The following DRAXIN variants were observed in gnomAD, a reference collection of about 807,000 sequenced individuals.
DRAXIN encodes dorsal repulsive axon guidance protein.
Under a neutral mutation model 33.9 loss-of-function variants are expected in DRAXIN, and 27 were observed. That is an observed-to-expected ratio of 0.80 (90% CI 0.59 to 1.10). The LOEUF (loss-of-function observed/expected upper bound fraction) is 1.10. Among genes scored for constraint, DRAXIN ranks in the 50% least tolerant of loss-of-function variants. DRAXIN has a pLI of 0.00. For synonymous variants in DRAXIN, 178 were observed against 194.0 expected (o/e 0.92, Z 0.69); for missense variants, 371 against 460.8 (o/e 0.81, Z 1.78).
intron 1 of DRAXIN, among the ~76,000 whole-genome samples, chr1:11,701,190 C>T (rs375831245): frequency 6.6e-6 from 1 of 152,136 alleles, no homozygotes; most frequent in Non-Finnish European, 1.5e-5. Context: ...GAGGAAGATG[C>T]CTCTCACCGC....
rs1178813402 is a variant in DRAXIN, at chr1:11,706,964, A to G, written c.451+255A>G. 3.3e-5 allele frequency among the ~76,000 whole-genome samples: 5 copies of G among 152,168 alleles called. No homozygotes were observed. Among genetic ancestry groups the G allele is most frequent in the Non-Finnish European group, 5.9e-5 (4 of 68,022 alleles). On this transcript the variant is annotated intron_variant, in intron 2 of 6. Transcript: ENST00000294485. This position sits in a 1 kb window ranked among gnomAD's most constrained non-coding sequence, Gnocchi z 5.5. Reference sequence around the variant, plus strand: ...TGCCGTGGCTCACGCTTGTAATCCCAGCACTTTGGGAGGCCGAGGCGGGCG... The same window carrying G: ...TGCCGTGGCTCACGCTTGTAATCCCGGCACTTTGGGAGGCCGAGGCGGGCG...
Position 11,723,628 on chromosome 1 carries a change from T to C in DRAXIN, c.*3932T>C, listed in dbSNP as rs1165175011. The C allele has an allele frequency of 2.6e-5, 4 of 152,060 alleles. No individual in the cohort carries two copies. The highest frequency in any genetic ancestry group is 9.7e-5 in the African/African-American group (4 of 41,368). 9.4% of individuals were successfully genotyped at this position (152,060 alleles called of 1,614,324 possible). A position where few individuals can be genotyped will look rare whatever the true frequency, so the allele number is the denominator to read the frequency against. On this transcript the variant is annotated 3_prime_UTR_variant, in exon 7 of 7. Coordinates refer to ENST00000294485, the MANE Select transcript of DRAXIN (RefSeq NM_198545.4). ...TTCTTTTGAGACAGAGTTTCACTCTTGTTGCCCAGGCTGGAGTGCAGTGGC... is the reference window on the plus strand; with the variant it reads ...TTCTTTTGAGACAGAGTTTCACTCTCGTTGCCCAGGCTGGAGTGCAGTGGC...
At position 11,722,171 on chromosome 1, in the gene DRAXIN, C is replaced by T. The variant is rs975371538; in HGVS notation, c.*2475C>T. 6.6e-6 allele frequency: 1 copy of T among 152,238 alleles called. No individual in the cohort carries two copies. The highest frequency in any genetic ancestry group is 1.5e-5 in the Non-Finnish European group (1 of 68,070). The allele number at this position is 152,238 out of a possible 1,614,324, so 9.4% of individuals were successfully genotyped here. On this transcript the variant is annotated 3_prime_UTR_variant, in exon 7 of 7. Transcript: ENST00000294485. ...AGGCAGATCTGCCAGCAGCTTCGTA[C>T]TTGAGACCAGACAACCCACACATGC...
chr1:11,705,195 T>A lies in DRAXIN; in HGVS notation c.-10-1054T>A, dbSNP rs533842645. On this transcript the variant is annotated intron_variant, in intron 1 of 6. Transcript: ENST00000294485. This position sits in a 1 kb window ranked among gnomAD's most constrained non-coding sequence, Gnocchi z 4.8. ...GCCTAGTGGAATACTCGGGAGGCCA[T>A]AAAAATTCAATTAGCCTGGCTAACC... 1.8e-3 allele frequency among the ~76,000 whole-genome samples: 276 copies of A among 152,192 alleles called. 2 individuals are homozygous for A. The highest frequency in any genetic ancestry group is 6.2e-3 in the African/African-American group (259 of 41,526).
intron 1 of DRAXIN, among the ~76,000 whole-genome samples, chr1:11,697,397 C>T (rs1641209527): frequency 6.6e-6 from 1 of 152,246 alleles, no homozygotes; most frequent in Admixed American, 6.5e-5. Flanking sequence ...AGTTGTGCCT[C>T]TCCTATCAGA....
chr1:11,715,136 C>T lies in DRAXIN; in HGVS notation c.865C>T (p.Arg289Trp), dbSNP rs747561573. The T allele has an allele frequency of 1.2e-5, 19 of 1,614,234 alleles. 1 individual carries two copies. The highest frequency in any genetic ancestry group is 8.8e-5 in the South Asian group (8 of 91,088). ...DCLPGTCCDL[R>W]EHLCTPHNRG... The stretch of plus-strand genomic sequence containing the variant: ...GTTGGCAGGGACTTGCTGCGACCTG[C>T]GGGAGCATCTCTGCACACCCCACAA... The change falls in exon 6 of 7, where the codon CGG becomes TGG. Residue 289 changes from arginine to tryptophan, a missense_variant. Transcript: ENST00000294485.
intron 1 of DRAXIN, among the ~76,000 whole-genome samples, chr1:11,693,399 T>C (rs1246231467): frequency 1.3e-5 from 2 of 152,074 alleles, no homozygotes; most frequent in Non-Finnish European, 2.9e-5. Flanking sequence ...CTGGACCTGC[T>C]GTGTGCTTGC....
At chr1:11,702,313 C>G (rs1641304408) in intron 1 of DRAXIN, among the ~76,000 whole-genome samples, 1 of 151,250 alleles carries the variant, frequency 6.6e-6, no homozygotes, top group Non-Finnish European at 1.5e-5. Flanking sequence ...AGCACACACA[C>G]ACGCTCACGC....
At chr1:11,707,705 T>C (rs1325114933) in intron 2 of DRAXIN, among the ~76,000 whole-genome samples, 1 of 152,176 alleles carries the variant, frequency 6.6e-6, no homozygotes, top group African/African-American at 2.4e-5. Flanking sequence ...GTCTCAGTGC[T>C]CCCCTAGCCC....
rs1275422501 is a variant in DRAXIN at position 11,724,381 on chromosome 1, T to G, written c.*4685T>G. 1 of 152,360 alleles carries G rather than the reference T, an allele frequency of 6.6e-6. No individual in the cohort carries two copies. The highest frequency in any genetic ancestry group is 6.5e-5 in the Admixed American group (1 of 15,282). 9.4% of individuals were successfully genotyped at this position (152,360 alleles called of 1,614,324 possible). A position where few individuals can be genotyped will look rare whatever the true frequency, so the allele number is the denominator to read the frequency against. On this transcript the variant is annotated 3_prime_UTR_variant, in exon 7 of 7. Transcript: ENST00000294485. Reference sequence around the variant, plus strand: ...CACCGCGGATCCCAGGAATACCTGCTGTTCCCACAGGGCTGCCTTTCCGTA... The same window carrying G: ...CACCGCGGATCCCAGGAATACCTGCGGTTCCCACAGGGCTGCCTTTCCGTA...
chr1:11,699,908 C>T (rs1190624795), intron 1 of DRAXIN, among the ~76,000 whole-genome samples: 1 of 150,620 alleles, frequency 6.6e-6, no homozygotes, highest in Non-Finnish European at 1.5e-5. Context: ...GCCCGGGTGA[C>T]ACAGCGAGAC....
At chr1:11,700,422 T>C (rs1641254770) in intron 1 of DRAXIN, among the ~76,000 whole-genome samples, 14 of 152,218 alleles carry the variant, frequency 9.2e-5, no homozygotes, top group Admixed American at 9.2e-4. Context: ...AGCGAGTCTT[T>C]GAAACTGCTC....
intron 1 of DRAXIN, among the ~76,000 whole-genome samples, chr1:11,700,213 C>A (rs1641251249): frequency 1.3e-5 from 2 of 152,084 alleles, no homozygotes; most frequent in Admixed American, 6.6e-5. Context: ...CTGGGTGACA[C>A]AGCGAGACTC....
At position 11,706,441 on chromosome 1, in the gene DRAXIN, C is replaced by T. The variant is rs977899657; in HGVS notation, c.183C>T (p.Gly61=). The stretch of plus-strand genomic sequence containing the variant: ...AGGCCAGCCACCACCGCCGGCGGGG[C>T]CCGGGCAAGAAGGAGTGGGGCCCAG... The part of the protein sequence containing the change: ...TPQASHHRRR[G]PGKKEWGPGL... The change falls in exon 2 of 7, where the codon GGC becomes GGT. Residue 61 remains glycine, a synonymous_variant. Coordinates refer to ENST00000294485, the MANE Select transcript of DRAXIN (RefSeq NM_198545.4). This position sits in a 1 kb window ranked among gnomAD's most constrained non-coding sequence, Gnocchi z 5.5. 3.1e-6 allele frequency: 5 copies of T among 1,611,402 alleles called. No individual in the cohort carries two copies. Among genetic ancestry groups the T allele is most frequent in the Non-Finnish European group, 4.2e-6 (5 of 1,179,330 alleles).
chr1:11,693,891 C>T (rs190460142), intron 1 of DRAXIN, among the ~76,000 whole-genome samples: 5 of 152,314 alleles, frequency 3.3e-5, no homozygotes, highest in Admixed American at 3.3e-4. Flanking sequence ...TCAGCCCAGC[C>T]TAGCCCTGTC....
rs72869767 is a variant in DRAXIN at position 11,696,637 on chromosome 1, G to A, written c.-11+4784G>A. Among the ~76,000 whole-genome samples the A allele has an allele frequency of 1.5e-3, 233 of 151,800 alleles. No homozygotes were observed. The highest frequency in any genetic ancestry group is 5.2e-3 in the African/African-American group (214 of 41,370). Reference sequence around the variant, plus strand: ...TGGGAGGCCAAAGCGAGCAGGTCACGAGGTCAAGAGATCGAGAACATCCTA... The same window carrying A: ...TGGGAGGCCAAAGCGAGCAGGTCACAAGGTCAAGAGATCGAGAACATCCTA... On this transcript the variant is annotated intron_variant, in intron 1 of 6. Transcript: ENST00000294485. This position sits in a 1 kb window ranked among gnomAD's most constrained non-coding sequence, Gnocchi z 4.7.
At chr1:11,702,794 G>A (rs1343434341) in intron 1 of DRAXIN, among the ~76,000 whole-genome samples, 1 of 151,266 alleles carries the variant, frequency 6.6e-6, no homozygotes, top group Non-Finnish European at 1.5e-5. Context: ...CCAGGTTGGA[G>A]TGCAGAGGCA....
rs1641369134 is a variant in DRAXIN at position 11,705,861 on chromosome 1, G to C, written c.-10-388G>C. On this transcript the variant is annotated intron_variant, in intron 1 of 6. Transcript: ENST00000294485. The surrounding 1 kb of genome is among the most constrained non-coding windows in gnomAD (Gnocchi z 4.8). ...ATATTTCTGAGCTCTGAGGGACTCG[G>C]TTCCCTCTAGGGGACTTGGTAAGGG... Among the ~76,000 whole-genome samples, 1 of 152,206 alleles carries C rather than the reference G, an allele frequency of 6.6e-6. No homozygotes were observed. The highest frequency in any genetic ancestry group is 2.4e-5 in the African/African-American group (1 of 41,444).
At chr1:11,714,820 AG>A (rs1641549661) in intron 5 of DRAXIN, among the ~76,000 whole-genome samples, 1 of 152,226 alleles carries the variant, frequency 6.6e-6, no homozygotes, top group Non-Finnish European at 1.5e-5. Context: ...CACACCTGGC[AG>A]CCCCCAGCTG....
Sources: allele counts gnomAD v4.1 joint callset (sites outside exome capture counted in the v4.1 genomes callset), GRCh38; gene constraint gnomAD v4.1.1; non-coding constraint Gnocchi (gnomAD v3.1); transcripts MANE v1.5; gene names NCBI Gene and HGNC (gene_info 2026-07-23, HGNC 2026-07-21).